The following DROSHA variants were observed in gnomAD, a reference collection of about 807,000 sequenced individuals.
DROSHA encodes drosha ribonuclease III.
Under a neutral mutation model 181.9 loss-of-function variants are expected in DROSHA, and 56 were observed. The observed-to-expected ratio is 0.31, with a 90% confidence interval of 0.25 to 0.38. The LOEUF (loss-of-function observed/expected upper bound fraction) is 0.38, where lower values mean the gene tolerates loss of function less well. Ranked by LOEUF, DROSHA falls within the 10% of genes least tolerant of loss-of-function variation. The probability of loss-of-function intolerance (pLI) is 1.00; values close to 1 mark genes in which losing one functional copy is unlikely to be tolerated. For synonymous variants in DROSHA, 524 were observed against 591.2 expected (o/e 0.89, Z 1.65); for missense variants, 1,218 against 1,743.5 (o/e 0.70, Z 5.37).
chr5:31,457,206 C>T (rs557998314), intron 20 of DROSHA, among the ~76,000 whole-genome samples: 3 of 148,024 alleles, frequency 2.0e-5, no homozygotes, highest in South Asian at 2.2e-4. Flanking sequence ...TCATTGCAAC[C>T]TCTGCCTCTT....
Position 31,515,155 on chromosome 5 carries a change from T to C in DROSHA, c.1123A>G (p.Asn375Asp), listed in dbSNP as rs1449178987. ...WEEEKDRWSD[N>D]QSSGKDKNYT... is the part of the protein sequence containing the mutation. ...TTCTTGTCTTTGCCAGAACTCTGGT[T>C]GTCACTCCAACGGTCTTTTTCTTCC... Residue 375 changes from asparagine (N) to aspartate (D), a missense_variant, in exon 8 of 36, where the codon AAC (asparagine) becomes GAC (aspartate). Transcript: ENST00000344624. The C allele has an allele frequency of 1.9e-6, 3 of 1,613,880 alleles. No homozygotes were observed. The African/African-American group carries it at 4.0e-5, about 22-fold the overall frequency.
At chr5:31,530,651 A>AT (rs397812524) in intron 3 of DROSHA, 147 bp downstream of exon 3, 1 of 376,188 alleles carries the variant, frequency 2.7e-6, no homozygotes, top group Non-Finnish European at 4.7e-6. Context: ...AAAAAAAAAA[A>AT]TCTCCCAACG....
chr5:31,515,123 G>A lies in DROSHA; in HGVS notation c.1155C>T (p.Thr385=). Residue 385 remains threonine, a synonymous_variant, in exon 8 of 36, where the codon ACC becomes ACT. Coordinates refer to ENST00000344624, the MANE Select transcript of DROSHA (RefSeq NM_001382508.1). ...NQSSGKDKNY[T]SIKEKEPEET... ...CCTCGGGCTCTTTTTCCTTGATTGAGGTATAGTTCTTGTCTTTGCCAGAAC... is the reference window on the plus strand; with the variant it reads ...CCTCGGGCTCTTTTTCCTTGATTGAAGTATAGTTCTTGTCTTTGCCAGAAC... 1.9e-6 allele frequency: 3 copies of A among 1,613,918 alleles called. No homozygotes were observed. Among genetic ancestry groups the A allele is most frequent in the Non-Finnish European group, 2.5e-6 (3 of 1,179,888 alleles).
chr5:31,484,794 T>C, intron 15 of DROSHA, 87 bp downstream of exon 15: 1 of 910,980 alleles, frequency 1.1e-6, no homozygotes, highest in Non-Finnish European at 1.6e-6. Context: ...ATTTCAACTA[T>C]CTCCCTACAA....
intron 35 of DROSHA, among the ~76,000 whole-genome samples, chr5:31,404,819 G>T (rs1740455636): frequency 1.3e-5 from 2 of 151,826 alleles, no homozygotes; most frequent in Non-Finnish European, 2.9e-5. Flanking sequence ...AAAAAAAAAT[G>T]TCCACCAATA....
In DROSHA at chr5:31,529,125, A is replaced by C; in HGVS notation, c.-46-20T>G. On this transcript the variant is annotated intron_variant, in intron 3 of 35. Coordinates refer to ENST00000344624, the MANE Select transcript of DROSHA (RefSeq NM_001382508.1). ...TAAGCTCTAAAAAACAGAAAGAATA[A>C]AACAGACATAAACATGTTTCCCAAA... The C allele has an allele frequency of 2.5e-6, 4 of 1,573,186 alleles. No individual in the cohort carries two copies. The Admixed American group carries it at 7.4e-5, about 29-fold the overall frequency.
At chr5:31,447,860 G>A (rs1236967707) in intron 23 of DROSHA, among the ~76,000 whole-genome samples, 1 of 152,158 alleles carries the variant, frequency 6.6e-6, no homozygotes, top group Non-Finnish European at 1.5e-5. Flanking sequence ...AATAACAAGT[G>A]TTGACAAAAA....
chr5:31,436,446 G>A (rs1031657926), intron 24 of DROSHA, among the ~76,000 whole-genome samples: 7 of 145,298 alleles, frequency 4.8e-5, no homozygotes, highest in Non-Finnish European at 1.0e-4. Flanking sequence ...AGGCTAAAGT[G>A]TTGTGGCATA....
At chr5:31,433,036 T>A (rs1744356368) in intron 25 of DROSHA, among the ~76,000 whole-genome samples, 1 of 152,126 alleles carries the variant, frequency 6.6e-6, no homozygotes, top group African/African-American at 2.4e-5. Flanking sequence ...TACTAAGCAA[T>A]AACATGCCAC....
intron 11 of DROSHA, among the ~76,000 whole-genome samples, chr5:31,499,144 C>T (rs1178554263): frequency 6.6e-6 from 1 of 152,210 alleles, no homozygotes. Flanking sequence ...AAGGCCCAGC[C>T]ATTTCAGCCC....
In DROSHA at chr5:31,511,190, A is replaced by C; in HGVS notation, c.1291-14T>G. On this transcript the variant is annotated splice_polypyrimidine_tract_variant and intron_variant, in intron 8 of 35. Coordinates refer to ENST00000344624, the MANE Select transcript of DROSHA (RefSeq NM_001382508.1). ...TGTAGAATCTCCCTTTTAAAAATAA[A>C]GGATCAATATTAGGAACTATATCAA... 1 of 1,610,146 alleles carries C rather than the reference A, an allele frequency of 6.2e-7. No individual in the cohort carries two copies. Among genetic ancestry groups the C allele is most frequent in the Non-Finnish European group, 8.5e-7 (1 of 1,177,836 alleles).
intron 12 of DROSHA, among the ~76,000 whole-genome samples, chr5:31,493,937 T>TTGTG (rs67311624): frequency 0.036 from 5,150 of 144,558 alleles, 275 homozygotes; most frequent in African/African-American, 0.12. Context: ...TAACCCACCA[T>TTGTG]TGTGTGTGTG....
At chr5:31,529,738 A>C (rs549184897) in intron 3 of DROSHA, among the ~76,000 whole-genome samples, 159 of 146,400 alleles carry the variant, frequency 1.1e-3, no homozygotes, top group Middle Eastern at 6.8e-3. Context: ...AACAAACAAA[A>C]AAAAAAAAAC....
chr5:31,474,899 C>A lies in DROSHA; in HGVS notation c.2072-2667G>T, dbSNP rs1561218563. ...ACCACGATGATGCCCTGATCTCAGACTACCAGCCTCCAGGACTGTGAGAAA... is the reference window on the plus strand; with the variant it reads ...ACCACGATGATGCCCTGATCTCAGAATACCAGCCTCCAGGACTGTGAGAAA... On this transcript the variant is annotated intron_variant, in intron 16 of 35. Transcript: ENST00000344624. Among the ~76,000 whole-genome samples, 4 of 152,224 alleles carry A rather than the reference C, an allele frequency of 2.6e-5. No homozygotes were observed. In the South Asian group the frequency reaches 6.2e-4, roughly 24 times the overall value.
intron 16 of DROSHA, among the ~76,000 whole-genome samples, chr5:31,483,184 T>C (rs1429509775): frequency 6.6e-6 from 1 of 152,186 alleles, no homozygotes; most frequent in Non-Finnish European, 1.5e-5. Context: ...ATGTAACTAT[T>C]ATTACAGTAA....
chr5:31,494,842 T>C (rs1752782513), intron 12 of DROSHA, among the ~76,000 whole-genome samples: 1 of 151,964 alleles, frequency 6.6e-6, no homozygotes, highest in Admixed American at 6.6e-5. Flanking sequence ...GCCCGGCTAA[T>C]TTTTTGTATT....
At chr5:31,437,099 T>G in intron 24 of DROSHA, 140 bp downstream of exon 24, 1 of 912,430 alleles carries the variant, frequency 1.1e-6, no homozygotes, top group South Asian at 1.7e-5. Context: ...GACATGTGGC[T>G]TCTAAGCTCT....
Position 31,508,915 on chromosome 5 carries a change from C to T in DROSHA, c.1433-140G>A, listed in dbSNP as rs373425149. 199 of 968,200 alleles carry T rather than the reference C, an allele frequency of 2.1e-4. 1 individual carries two copies. The African/African-American group carries it at 2.8e-3, about 13-fold the overall frequency. 60.0% of individuals were successfully genotyped at this position (968,200 alleles called of 1,614,324 possible). Reference sequence around the variant, plus strand: ...TCAGCTCACTGCAAACTCCACCTCCCGAGTTCAAGTGATTCTCCTGCCTTA... The same window carrying T: ...TCAGCTCACTGCAAACTCCACCTCCTGAGTTCAAGTGATTCTCCTGCCTTA... On this transcript the variant is annotated intron_variant, in intron 9 of 35. Transcript: ENST00000344624.
At chr5:31,413,672 G>A (rs1277299451) in intron 30 of DROSHA, among the ~76,000 whole-genome samples, 1 of 152,176 alleles carries the variant, frequency 6.6e-6, no homozygotes, top group African/African-American at 2.4e-5. Context: ...GCCACGTGCA[G>A]ACCGGCTGTT....
Sources: allele counts gnomAD v4.1 joint callset (sites outside exome capture counted in the v4.1 genomes callset), GRCh38; gene constraint gnomAD v4.1.1; transcripts MANE v1.5; gene names NCBI Gene and HGNC (gene_info 2026-07-23, HGNC 2026-07-21).